The following FRMD6 variants were observed in gnomAD, a reference collection of about 807,000 sequenced individuals.
FRMD6 encodes FERM domain containing 6, also known as FERM domain-containing protein 6.
FRMD6 carries 37 observed loss-of-function variants against 73.2 expected under a neutral mutation model. The ratio of observed to expected loss-of-function variants is 0.51; its 90% CI spans 0.39 to 0.66. FRMD6 has a LOEUF of 0.66. Ranked by LOEUF, FRMD6 falls within the 30% of genes least tolerant of loss-of-function variation. The pLI, the probability that FRMD6 is intolerant of heterozygous loss-of-function variation, is 0.00. For synonymous variants in FRMD6, 273 were observed against 282.2 expected, an observed-to-expected ratio of 0.97 and a Z score of 0.33; for missense variants, 714 against 780.5, an observed-to-expected ratio of 0.91 and a Z score of 1.02.
chr14:51,715,621 G>A, intron 10 of FRMD6, 122 bp downstream of exon 10: 1 of 715,208 alleles, frequency 1.4e-6, no homozygotes, highest in East Asian at 2.8e-5. Flanking sequence ...TCCAGATTGA[G>A]AGCAGCATTA....
intron 1 of FRMD6, among the ~76,000 whole-genome samples, chr14:51,678,047 G>A (rs1029460443): frequency 3.3e-5 from 5 of 152,018 alleles, no homozygotes; most frequent in African/African-American, 9.7e-5. Flanking sequence ...TATAAATTTC[G>A]CTTATTTAAC....
At chr14:51,704,989 C>T (rs1013699347) in intron 6 of FRMD6, 54 bp downstream of exon 6, 44 of 1,487,880 alleles carry the variant, frequency 3.0e-5, no homozygotes, top group South Asian at 4.9e-5. Flanking sequence ...ATTTCTAGTT[C>T]GTAGTGTTGC....
intron 7 of FRMD6, among the ~76,000 whole-genome samples, chr14:51,710,599 G>A (rs1896888722): frequency 6.6e-6 from 1 of 152,122 alleles, no homozygotes; most frequent in Non-Finnish European, 1.5e-5. Flanking sequence ...GAAATAGGCT[G>A]TGTCTTATAT....
At chr14:51,460,086 G>A in the FRMD6 span, among the ~76,000 whole-genome samples, 1 of 151,968 alleles carries the variant, frequency 6.6e-6, no homozygotes, top group African/African-American at 2.4e-5. Flanking sequence ...ATTTATTCAT[G>A]TATAATGTGT....
At chr14:51,719,860 C>T (rs569994858) in intron 10 of FRMD6, among the ~76,000 whole-genome samples, 195 bp from the exon 11 acceptor site, 3 of 152,130 alleles carry the variant, frequency 2.0e-5, no homozygotes, top group Non-Finnish European at 2.9e-5. Context: ...GTTTAAATAT[C>T]CCCCTCAAAT....
chr14:51,641,546 A>C (rs1891809337), intron 2 of FRMD6, among the ~76,000 whole-genome samples: 1 of 152,148 alleles, frequency 6.6e-6, no homozygotes, highest in Admixed American at 6.5e-5. Flanking sequence ...ATCCAAATAA[A>C]GTTAGGGGAA....
chr14:51,712,647 T>C (rs1897007400), intron 9 of FRMD6, 96 bp downstream of exon 9: 2 of 771,784 alleles, frequency 2.6e-6, no homozygotes, highest in Admixed American at 2.4e-5. Flanking sequence ...AACAATATTG[T>C]CTCAGGCACA....
the FRMD6 span, among the ~76,000 whole-genome samples, chr14:51,467,010 C>CG: frequency 2.6e-5 from 4 of 151,042 alleles, no homozygotes; most frequent in Admixed American, 1.3e-4. Context: ...GGGTGTTTCT[C>CG]GTAGAGGGGG....
intron 2 of FRMD6, among the ~76,000 whole-genome samples, chr14:51,601,386 TTA>T (rs1269131260): frequency 6.6e-6 from 1 of 152,184 alleles, no homozygotes; most frequent in Admixed American, 6.5e-5. Context: ...TCTGGGTAAC[TTA>T]TCTTTCTTTG....
chr14:51,684,858 T>G (rs1350848748), intron 1 of FRMD6, among the ~76,000 whole-genome samples: 2 of 152,220 alleles, frequency 1.3e-5, no homozygotes. Flanking sequence ...CATTGGAGAT[T>G]AAGCAAAATA....
chr14:51,442,441 T>C, the FRMD6 span, among the ~76,000 whole-genome samples: 1 of 152,324 alleles, frequency 6.6e-6, no homozygotes, highest in African/African-American at 2.4e-5. Flanking sequence ...TGCCCAGTGA[T>C]AGTGCTAATT....
At chr14:51,412,757 C>T in the FRMD6 span, among the ~76,000 whole-genome samples, 1 of 151,736 alleles carries the variant, frequency 6.6e-6, no homozygotes, top group Non-Finnish European at 1.5e-5. Context: ...GAGGCTGAGG[C>T]AGGAGAATGA....
chr14:51,678,926 A>G (rs181839398), intron 1 of FRMD6, among the ~76,000 whole-genome samples: 1 of 152,166 alleles, frequency 6.6e-6, no homozygotes, highest in African/African-American at 2.4e-5. Flanking sequence ...TGAAAGCAAG[A>G]CTTGTTCAGG....
intron 13 of FRMD6, among the ~76,000 whole-genome samples, chr14:51,727,351 T>C (rs1898028417): frequency 1.3e-5 from 2 of 152,206 alleles, no homozygotes; most frequent in Non-Finnish European, 2.9e-5. Flanking sequence ...TATGACCTTA[T>C]TTCAAGATAA....
chr14:51,439,891 G>A, the FRMD6 span, among the ~76,000 whole-genome samples: 1 of 152,004 alleles, frequency 6.6e-6, no homozygotes, highest in African/African-American at 2.4e-5. Context: ...TGTCCAATTT[G>A]GTATCTAATT....
chr14:51,548,898 A>G (rs185823699), intron 1 of FRMD6, among the ~76,000 whole-genome samples: 53 of 152,344 alleles, frequency 3.5e-4, no homozygotes, highest in Non-Finnish European at 4.7e-4. Flanking sequence ...TGGCCACTCC[A>G]GACCTGAATC....
chr14:51,595,317 T>A (rs902984536), intron 2 of FRMD6, among the ~76,000 whole-genome samples: 1 of 152,232 alleles, frequency 6.6e-6, no homozygotes, highest in Non-Finnish European at 1.5e-5. Context: ...GGAAATATGA[T>A]GTATTTTGTT....
chr14:51,448,019 G>A, the FRMD6 span, among the ~76,000 whole-genome samples: 6 of 152,084 alleles, frequency 3.9e-5, no homozygotes, highest in Admixed American at 3.9e-4. Flanking sequence ...CTATTCCTTT[G>A]TAGGAAATGT....
chr14:51,498,915 T>G (rs1479781748), intron 1 of FRMD6, among the ~76,000 whole-genome samples: 2 of 152,218 alleles, frequency 1.3e-5, no homozygotes, highest in Non-Finnish European at 2.9e-5. Context: ...TTTAGCACAG[T>G]CCTACTGCAC....
Sources: gnomAD v4.1 joint callset for allele counts (sites outside exome capture counted in the v4.1 genomes callset) on GRCh38, gnomAD v4.1.1 for gene constraint, MANE v1.5 for transcripts, NCBI Gene and HGNC (gene_info 2026-07-23, HGNC 2026-07-21) for gene names.